SLTM: variants seen among roughly 807,000 people sequenced by gnomAD.
SLTM encodes SAFB like transcription modulator.
A neutral mutation model predicts 134.6 loss-of-function variants in SLTM; 43 were observed. The ratio of observed to expected loss-of-function variants is 0.32; its 90% CI spans 0.25 to 0.41. SLTM has a LOEUF of 0.41. Among genes scored for constraint, SLTM ranks in the 10% least tolerant of loss-of-function variants. The pLI is 1.00. For synonymous variants in SLTM, 424 were observed against 432.3 expected, an observed-to-expected ratio of 0.98 and a Z score of 0.24; for missense variants, 1,055 against 1,288.8, an observed-to-expected ratio of 0.82 and a Z score of 2.78.
chr15:58,888,479 A>G lies in SLTM; in HGVS notation c.2281T>C (p.Tyr761His). The change falls in exon 17 of 21, where the codon TAC (tyrosine) becomes CAC (histidine). Residue 761 changes from tyrosine to histidine, a missense_variant. Tyr to His is a moderately conservative substitution (Grantham distance 83). Coordinates refer to ENST00000380516, the MANE Select transcript of SLTM (RefSeq NM_024755.4). ...TTAAATCTGTTCTGTTGGCGAGAGT[A>G]GTCGGATCCATGGCCAAATCGTGCA... is the stretch of plus-strand genomic sequence containing the variant. ...TDARFGHGSDYSRQQNRFNDF... is the reference protein window; with the variant it reads ...TDARFGHGSDHSRQQNRFNDF... 6.2e-7 allele frequency: 1 copy of G among 1,614,132 alleles called. No individual in the cohort carries two copies. The highest frequency in any genetic ancestry group is 2.2e-5 in the East Asian group (1 of 44,880).
intron 9 of SLTM, 102 bp from the exon 10 acceptor site, chr15:58,894,684 G>T: frequency 2.8e-6 from 3 of 1,086,734 alleles, no homozygotes; most frequent in Admixed American, 2.1e-5. Context: ...TTAATTCAGG[G>T]TGTATCTTAT....
rs1375902282 is a variant in SLTM at position 58,916,757 on chromosome 15, T to TA, written c.315+177dup. ...TAACTAAAGAAAAAGTTATTTACTA[T>TA]ATTTCTCAATTATGAGAGTTAATGA... On this transcript the variant is annotated intron_variant, in intron 3 of 20. Coordinates refer to ENST00000380516, the MANE Select transcript of SLTM (RefSeq NM_024755.4). The TA allele has an allele frequency of 8.1e-6, 4 of 496,206 alleles. No homozygotes were observed. In the Admixed American group the frequency reaches 1.1e-4, roughly 14 times the overall value. 30.7% of individuals were successfully genotyped at this position (496,206 alleles called of 1,614,324 possible).
intron 2 of SLTM, among the ~76,000 whole-genome samples, chr15:58,928,471 A>C (rs2037638337): frequency 6.6e-6 from 1 of 152,184 alleles, no homozygotes; most frequent in African/African-American, 2.4e-5. Flanking sequence ...TATTAACTAC[A>C]TGTAAAGGAA....
chr15:58,906,392 C>G (rs952787238), intron 5 of SLTM, among the ~76,000 whole-genome samples: 15 of 152,170 alleles, frequency 9.9e-5, no homozygotes, highest in Non-Finnish European at 1.3e-4. Context: ...TTTATCTTCA[C>G]AGTGGGATGT....
chr15:58,887,586 G>C (rs1400308093), intron 17 of SLTM, 46 bp from the exon 18 acceptor site: 1 of 1,551,014 alleles, frequency 6.4e-7, no homozygotes, highest in Non-Finnish European at 8.7e-7. Flanking sequence ...GTGCTTACTT[G>C]AGTGCTTAAT....
At chr15:58,924,394 T>C (rs1254098657) in intron 2 of SLTM, among the ~76,000 whole-genome samples, 1 of 152,200 alleles carries the variant, frequency 6.6e-6, no homozygotes, top group East Asian at 1.9e-4. Flanking sequence ...AGCCCAAAAA[T>C]TCTTAATGAA....
chr15:58,913,774 C>T lies in SLTM; in HGVS notation c.316-78G>A, dbSNP rs1203237012. ...TCCACCAAACGTTTTTGGTAATTTA[C>T]ACCTTTAAATGTGTCAAATTTGATC... On this transcript the variant is annotated intron_variant, in intron 3 of 20. Transcript: ENST00000380516. The T allele has an allele frequency of 6.6e-6, 7 of 1,065,498 alleles. No individual in the cohort carries two copies. The East Asian group carries it at 7.1e-5, about 11-fold the overall frequency. The allele number at this position is 1,065,498 out of a possible 1,614,324, so 66.0% of individuals were successfully genotyped here.
chr15:58,912,203 C>A (rs886922444), intron 5 of SLTM, among the ~76,000 whole-genome samples: 2 of 151,658 alleles, frequency 1.3e-5, no homozygotes, highest in African/African-American at 4.8e-5. Flanking sequence ...GCGTTCATGC[C>A]ATTCTCCTGC....
At chr15:58,887,183 A>G (rs1227597896) in intron 18 of SLTM, 43 bp downstream of exon 18, 4 of 1,612,036 alleles carry the variant, frequency 2.5e-6, no homozygotes, top group South Asian at 2.2e-5. Context: ...TTTAACCCCA[A>G]TGCATGAGAC....
In SLTM at chr15:58,887,457, G is replaced by A; in HGVS notation, c.2459C>T (p.Pro820Leu). 6.2e-7 allele frequency: 1 copy of A among 1,614,004 alleles called. No homozygotes were observed. Among genetic ancestry groups the A allele is most frequent in the Non-Finnish European group, 8.5e-7 (1 of 1,179,996 alleles). ...RREDPSFERY[P>L]KNFSDSRRNE... ...TCTTCTGGAGTCACTGAAATTTTTGGGATATCTTTCGAAGCTTGGATCTTC... is the reference window on the plus strand; with the variant it reads ...TCTTCTGGAGTCACTGAAATTTTTGAGATATCTTTCGAAGCTTGGATCTTC... Residue 820 changes from proline to leucine, a missense_variant, in exon 18 of 21, where the codon CCC becomes CTC. Physicochemically the swap from Pro to Leu is moderately conservative, Grantham distance 98 (BLOSUM62 -3). This residue lies in a region of SLTM where 776 missense variants were observed against 962.2 expected (regional missense o/e 0.81). Transcript: ENST00000380516.
rs775374797 is a variant in SLTM, at chr15:58,913,670, T to C, written c.342A>G (p.Ala114=). ...IKDCELENQE[A]HEQDGNDELK... Reference sequence around the variant, plus strand: ...GTTCATCATTTCCATCTTGCTCATGTGCCTCTTGATTCTCCAATTCACAGT... The same window carrying C: ...GTTCATCATTTCCATCTTGCTCATGCGCCTCTTGATTCTCCAATTCACAGT... Residue 114 remains alanine (A), a synonymous_variant, in exon 4 of 21, where the codon GCA becomes GCG. Transcript: ENST00000380516. 1.2e-6 allele frequency: 2 copies of C among 1,613,636 alleles called. No individual in the cohort carries two copies. Among genetic ancestry groups the C allele is most frequent in the Non-Finnish European group, 1.7e-6 (2 of 1,179,828 alleles).
At chr15:58,893,756 C>T in intron 12 of SLTM, 65 bp downstream of exon 12, 1 of 1,504,798 alleles carries the variant, frequency 6.6e-7, no homozygotes, top group Admixed American at 2.3e-5. Context: ...TCAGGTTTTC[C>T]CTTCCACTGT....
intron 5 of SLTM, among the ~76,000 whole-genome samples, chr15:58,910,065 C>T (rs906173395): frequency 6.6e-6 from 1 of 152,090 alleles, no homozygotes; most frequent in African/African-American, 2.4e-5. Context: ...TGAATCCTAA[C>T]TGTATGTTTC....
At chr15:58,922,550 ATATAATATG>A (rs1209836417) in intron 2 of SLTM, among the ~76,000 whole-genome samples, 2 of 139,546 alleles carry the variant, frequency 1.4e-5, no homozygotes, top group African/African-American at 2.7e-5. Flanking sequence ...TTTTATATGT[ATATAATATG>A]TATATAATAT....
intron 13 of SLTM, 32 bp downstream of exon 13, chr15:58,893,247 G>A (rs1375239808): frequency 2.0e-6 from 3 of 1,522,400 alleles, no homozygotes; most frequent in Non-Finnish European, 2.7e-6. Context: ...AACAGCTGAA[G>A]TAGTATACAA....
At chr15:58,883,965 A>AC (rs2033961949) in intron 19 of SLTM, among the ~76,000 whole-genome samples, 179 bp from the exon 20 acceptor site, 1 of 151,750 alleles carries the variant, frequency 6.6e-6, no homozygotes, top group African/African-American at 2.4e-5. Context: ...CAGGCATGGT[A>AC]CCCCACACCT....
rs1453964527 is a variant in SLTM at position 58,907,999 on chromosome 15, C to CTGTGTG, written c.561+4563_561+4564insCACACA. ...ATAGATATATCCCTATATAAACATG[C>CTGTGTG]TGCGTGTGTGTGTGTGTGTGTGTGT... On this transcript the variant is annotated intron_variant, in intron 5 of 20. Coordinates refer to ENST00000380516, the MANE Select transcript of SLTM (RefSeq NM_024755.4). Among the ~76,000 whole-genome samples, 25 of 43,574 alleles carry CTGTGTG rather than the reference C, an allele frequency of 5.7e-4. 1 individual carries two copies. The highest frequency in any genetic ancestry group is 2.1e-4 in the Non-Finnish European group (5 of 23,436). The allele number at this position is 43,574 out of a possible 152,430, so 28.6% of individuals were successfully genotyped here. A position where few individuals can be genotyped will look rare whatever the true frequency, so the allele number is the denominator to read the frequency against.
At chr15:58,907,650 A>C (rs1485705130) in intron 5 of SLTM, among the ~76,000 whole-genome samples, 2 of 152,156 alleles carry the variant, frequency 1.3e-5, no homozygotes, top group African/African-American at 4.8e-5. Flanking sequence ...AAATTAAAGT[A>C]TTAGCAAACA....
chr15:58,931,781 A>G (rs990926480), intron 2 of SLTM, among the ~76,000 whole-genome samples: 2 of 152,240 alleles, frequency 1.3e-5, no homozygotes, highest in Admixed American at 6.5e-5. Context: ...AGAATCTTTA[A>G]CATCCCTATA....
Sources: allele counts gnomAD v4.1 joint callset (sites outside exome capture counted in the v4.1 genomes callset), GRCh38; gene constraint gnomAD v4.1.1; regional missense constraint gnomAD v4.1.1; transcripts MANE v1.5; gene names NCBI Gene and HGNC (gene_info 2026-07-23, HGNC 2026-07-21).